TRMT9B: variants seen among roughly 807,000 people sequenced by gnomAD.
TRMT9B encodes tRNA methyltransferase 9B (putative), also known as probable tRNA methyltransferase 9B.
A neutral mutation model predicts 11.5 loss-of-function variants in TRMT9B; 16 were observed. The ratio of observed to expected loss-of-function variants is 1.39; its 90% CI spans 0.94 to 2.11. The LOEUF is 2.11. Ranked by LOEUF, TRMT9B falls within the 30% of genes most tolerant of loss-of-function variation. The pLI is 0.00. For missense variants in TRMT9B, 941 were observed against 553.8 expected (o/e 1.70, Z -7.02); for synonymous variants, 274 against 192.4 (o/e 1.42, Z -3.51).
intron 1 of TRMT9B, among the ~76,000 whole-genome samples, chr8:12,981,691 C>T (rs1247231366): frequency 6.6e-6 from 1 of 151,976 alleles, no homozygotes; most frequent in Non-Finnish European, 1.5e-5. Flanking sequence ...CCTCAACCTC[C>T]TGGGCTCAAG....
intron 2 of TRMT9B, among the ~76,000 whole-genome samples, chr8:13,001,443 T>A (rs1809433747): frequency 6.6e-6 from 1 of 152,240 alleles, no homozygotes; most frequent in Admixed American, 6.5e-5. Context: ...TACCGTCTCA[T>A]ACTTTTAGTC....
chr8:12,987,543 A>G (rs1256945222), intron 1 of TRMT9B, among the ~76,000 whole-genome samples: 2 of 152,096 alleles, frequency 1.3e-5, no homozygotes, highest in African/African-American at 2.4e-5. Context: ...TCACAAAATT[A>G]GCAGGATATG....
At position 13,022,211 on chromosome 8, in the gene TRMT9B, C is replaced by T; in HGVS notation, c.*167C>T. ...TTTTGTTTTCATTTTTGAATAAGCA[C>T]AGATTCTGGCATTGAAAGCACTTGA... On this transcript the variant is annotated 3_prime_UTR_variant, in exon 5 of 5. Coordinates refer to ENST00000524591, the MANE Select transcript of TRMT9B (RefSeq NM_020844.3). The T allele has an allele frequency of 1.8e-6, 1 of 552,092 alleles. No individual in the cohort carries two copies. Among genetic ancestry groups the T allele is most frequent in the South Asian group, 3.1e-5 (1 of 32,180 alleles). The allele number at this position is 552,092 out of a possible 1,614,324, so 34.2% of individuals were successfully genotyped here.
chr8:13,006,589 G>C (rs2128890623), intron 3 of TRMT9B: 2 of 1,416,812 alleles, frequency 1.4e-6, no homozygotes, highest in East Asian at 2.5e-5. Context: ...TGGCATGCCA[G>C]TACCTAGAAT....
At chr8:12,977,676 T>C (rs1405321497) in intron 1 of TRMT9B, among the ~76,000 whole-genome samples, 1 of 151,678 alleles carries the variant, frequency 6.6e-6, no homozygotes, top group Non-Finnish European at 1.5e-5. Flanking sequence ...ATTCCAGCCT[T>C]GTGACAGAGC....
At chr8:13,017,996 T>A (rs565288982) in intron 4 of TRMT9B, among the ~76,000 whole-genome samples, 219 of 149,546 alleles carry the variant, frequency 1.5e-3, no homozygotes, top group African/African-American at 4.8e-3. Context: ...ATATAAAACA[T>A]AATATGAACG....
intron 3 of TRMT9B, chr8:13,007,002 G>A (rs997704131): frequency 6.5e-6 from 1 of 152,904 alleles, no homozygotes; most frequent in Non-Finnish European, 1.5e-5. Flanking sequence ...GCTCTTCAGG[G>A]CCTTTGTGTA....
In TRMT9B at chr8:13,023,990, A is replaced by G. The variant is rs1814346367; in HGVS notation, c.*1946A>G. 1 of 166,838 alleles carries G rather than the reference A, an allele frequency of 6.0e-6. No individual in the cohort carries two copies. Among genetic ancestry groups the G allele is most frequent in the African/African-American group, 2.4e-5 (1 of 41,404 alleles). The allele number at this position is 166,838 out of a possible 1,614,324, so 10.3% of individuals were successfully genotyped here. On this transcript the variant is annotated 3_prime_UTR_variant, in exon 5 of 5. Coordinates refer to ENST00000524591, the MANE Select transcript of TRMT9B (RefSeq NM_020844.3). ...CATCCTGCAGTAGTGGATGATTGAAAACATATATAAGTGGAGTATAAATTA... is the reference window on the plus strand; with the variant it reads ...CATCCTGCAGTAGTGGATGATTGAAGACATATATAAGTGGAGTATAAATTA...
At chr8:12,971,480 T>G (rs1185662892) in intron 1 of TRMT9B, among the ~76,000 whole-genome samples, 1 of 152,212 alleles carries the variant, frequency 6.6e-6, no homozygotes, top group Non-Finnish European at 1.5e-5. Flanking sequence ...GTATTGGTGT[T>G]CCGACTTCAA....
At position 13,006,209 on chromosome 8, in the gene TRMT9B, C is replaced by G; in HGVS notation, c.7C>G (p.His3Asp). The change falls in exon 3 of 5, where the codon CAT (histidine) becomes GAT (aspartate). Residue 3 changes from histidine (H) to aspartate (D), a missense_variant. Physicochemically the swap from His to Asp is moderately conservative, Grantham distance 81 (BLOSUM62 -1). Coordinates refer to ENST00000524591, the MANE Select transcript of TRMT9B (RefSeq NM_020844.3). The stretch of plus-strand genomic sequence containing the variant: ...TGGTCCTGTTTTCTCCAGGATGGAT[C>G]ATGAAGCCGCCCAGCTGGAGAAGCA... MD[H>D]EAAQLEKQHV... The G allele has an allele frequency of 6.2e-7, 1 of 1,613,842 alleles. No homozygotes were observed. Among genetic ancestry groups the G allele is most frequent in the South Asian group, 1.1e-5 (1 of 91,012 alleles).
At chr8:12,966,265 C>T (rs13254013) in intron 1 of TRMT9B, among the ~76,000 whole-genome samples, 1 of 152,150 alleles carries the variant, frequency 6.6e-6, no homozygotes, top group Non-Finnish European at 1.5e-5. Flanking sequence ...AGAGTGAGAC[C>T]TTGTCTCTGT....
At chr8:12,965,075 T>A (rs1000221864) in intron 1 of TRMT9B, among the ~76,000 whole-genome samples, 3 of 152,244 alleles carry the variant, frequency 2.0e-5, no homozygotes, top group Non-Finnish European at 4.4e-5. Flanking sequence ...GCTTAAAATG[T>A]CAAACACATT....
intron 1 of TRMT9B, among the ~76,000 whole-genome samples, chr8:12,956,082 T>C (rs1251484949): frequency 6.6e-6 from 1 of 152,168 alleles, no homozygotes; most frequent in African/African-American, 2.4e-5. Flanking sequence ...CCACTTTCCT[T>C]CTTACGCTAC....
intron 2 of TRMT9B, among the ~76,000 whole-genome samples, chr8:13,001,263 A>C (rs1809390133): frequency 6.6e-6 from 1 of 152,218 alleles, no homozygotes; most frequent in Non-Finnish European, 1.5e-5. Flanking sequence ...AGACTGGGTC[A>C]GTCTCACCCA....
rs201786677 is a variant in TRMT9B, at chr8:13,022,011, T to G, written c.1332T>G (p.Cys444Trp). ...LSSGNDHGNW[C>W]IIAEKKRGCD ...CTGGGAATGATCATGGTAACTGGTG[T>G]ATCATTGCAGAGAAAAAGAGAGGTT... Residue 444 changes from cysteine (C) to tryptophan (W), a missense_variant, in exon 5 of 5, where the codon TGT becomes TGG. Cys to Trp is a radical substitution (Grantham distance 215). Coordinates refer to ENST00000524591, the MANE Select transcript of TRMT9B (RefSeq NM_020844.3). 26 of 1,606,668 alleles carry G rather than the reference T, an allele frequency of 1.6e-5. No homozygotes were observed. Among genetic ancestry groups the G allele is most frequent in the Admixed American group, 1.4e-4 (8 of 58,614 alleles).
intron 1 of TRMT9B, among the ~76,000 whole-genome samples, chr8:12,971,875 C>T (rs1246789208): frequency 6.6e-6 from 1 of 151,920 alleles, no homozygotes; most frequent in Non-Finnish European, 1.5e-5. Flanking sequence ...CTGCTTTGGG[C>T]CAGGCCATGT....
intron 1 of TRMT9B, among the ~76,000 whole-genome samples, chr8:12,953,568 G>T (rs1800921797): frequency 6.6e-6 from 1 of 152,160 alleles, no homozygotes; most frequent in African/African-American, 2.4e-5. Flanking sequence ...GGCCAGGCTG[G>T]TCTTGAACTC....
intron 4 of TRMT9B, among the ~76,000 whole-genome samples, chr8:13,020,424 T>C (rs1813608480): frequency 6.6e-6 from 1 of 152,206 alleles, no homozygotes; most frequent in Admixed American, 6.5e-5. Flanking sequence ...GATGTATACA[T>C]TGATTTTTTA....
At chr8:13,018,621 A>C (rs1813250150) in intron 4 of TRMT9B, among the ~76,000 whole-genome samples, 1 of 152,296 alleles carries the variant, frequency 6.6e-6, no homozygotes, top group Non-Finnish European at 1.5e-5. Context: ...AATTCAGTGG[A>C]ATATAGAATC....
Sources: gnomAD v4.1 joint callset for allele counts (sites outside exome capture counted in the v4.1 genomes callset) on GRCh38, gnomAD v4.1.1 for gene constraint, MANE v1.5 for transcripts, NCBI Gene and HGNC (gene_info 2026-07-23, HGNC 2026-07-21) for gene names.